The following MED13 variants were observed in gnomAD, a reference collection of about 807,000 sequenced individuals.
MED13 encodes the protein mediator of RNA polymerase II transcription subunit 13.
Under a neutral mutation model 225.2 loss-of-function variants are expected in MED13, and 23 were observed. That is an observed-to-expected ratio of 0.10 (90% CI 0.07 to 0.14). The LOEUF (loss-of-function observed/expected upper bound fraction) is 0.14, where lower values mean the gene tolerates loss of function less well. Ranked by LOEUF, MED13 falls within the 10% of genes least tolerant of loss-of-function variation. The pLI, the probability that MED13 is intolerant of heterozygous loss-of-function variation, is 1.00. For synonymous variants in MED13, 942 were observed against 889.2 expected (o/e 1.06, Z -1.06); for missense variants, 2,197 against 2,594.5 (o/e 0.85, Z 3.33).
At chr17:62,008,016 C>CAAAAAAAAAAAAAAAAAAAAAAAA (rs60236710) in intron 9 of MED13, among the ~76,000 whole-genome samples, 4 of 50,508 alleles carry the variant, frequency 7.9e-5, no homozygotes, top group African/African-American at 2.7e-4. Context: ...GAGACTGTCT[C>CAAAAAAAAAAAAAAAAAAAAAAAA]AAAAAAAAAA....
chr17:62,050,026 G>A (rs996964260), intron 3 of MED13, among the ~76,000 whole-genome samples: 2 of 150,306 alleles, frequency 1.3e-5, no homozygotes, highest in African/African-American at 4.9e-5. Flanking sequence ...AACAAATATT[G>A]TTTTTACCAA....
chr17:62,024,770 G>A (rs577953450), intron 8 of MED13, among the ~76,000 whole-genome samples: 80 of 152,244 alleles, frequency 5.3e-4, no homozygotes, highest in African/African-American at 1.8e-3. Flanking sequence ...CCACTTATAA[G>A]TGAGAACAGG....
chr17:62,049,122 CAAG>C (rs1555644635), intron 3 of MED13, among the ~76,000 whole-genome samples: 2 of 107,714 alleles, frequency 1.9e-5, no homozygotes, highest in South Asian at 3.2e-4. Flanking sequence ...AGGGATCCAA[CAAG>C]AAGGGAAAAG....
At position 61,968,236 on chromosome 17, in the gene MED13, T is replaced by C. The variant is rs1178461027; in HGVS notation, c.3990A>G (p.Pro1330=). The C allele has an allele frequency of 2.5e-6, 4 of 1,613,866 alleles. No individual in the cohort carries two copies. Among genetic ancestry groups the C allele is most frequent in the Non-Finnish European group, 3.4e-6 (4 of 1,179,802 alleles). ...GSYGTDESPE[P]LPIPTFLLGY... The stretch of plus-strand genomic sequence containing the variant: ...CCAACAAAAATGTGGGGATTGGCAG[T>C]GGTTCTGGGGATTCATCAGTTCCTA... The change falls in exon 18 of 30, where the codon CCA becomes CCG. Residue 1330 remains proline (P), a synonymous_variant. Transcript: ENST00000397786.
intron 8 of MED13, among the ~76,000 whole-genome samples, chr17:62,016,603 TA>T (rs2080584105): frequency 6.6e-6 from 1 of 152,244 alleles, no homozygotes; most frequent in Non-Finnish European, 1.5e-5. Context: ...GCTATAGATG[TA>T]AAATACCAAT....
chr17:62,021,968 A>C (rs1448341505), intron 8 of MED13, among the ~76,000 whole-genome samples: 1 of 152,026 alleles, frequency 6.6e-6, no homozygotes, highest in African/African-American at 2.4e-5. Context: ...GGAGTTTGAG[A>C]CCAGCCTGAC....
intron 21 of MED13, 91 bp from the exon 22 acceptor site, chr17:61,961,870 G>T: frequency 1.7e-6 from 2 of 1,187,872 alleles, no homozygotes; most frequent in South Asian, 1.4e-5. Context: ...CTTTTTACTA[G>T]AAAATTTACA....
intron 8 of MED13, among the ~76,000 whole-genome samples, chr17:62,027,727 A>AT (rs1366493660): frequency 1.7e-4 from 26 of 152,274 alleles, no homozygotes; most frequent in African/African-American, 6.0e-4. Flanking sequence ...AAATTTATAT[A>AT]TAAAAAAAAT....
At chr17:61,946,781 G>T in intron 29 of MED13, 136 bp downstream of exon 29, 1 of 1,075,656 alleles carries the variant, frequency 9.3e-7, no homozygotes, top group Non-Finnish European at 1.4e-6. Context: ...ACTCAAGTTA[G>T]AATAGCAGTG....
intron 8 of MED13, among the ~76,000 whole-genome samples, chr17:62,021,889 G>A (rs1253962768): frequency 2.6e-5 from 4 of 152,012 alleles, no homozygotes; most frequent in African/African-American, 9.7e-5. Flanking sequence ...TCTAAAGCCT[G>A]GGCACAGTGG....
chr17:62,018,826 A>C (rs1327761871), intron 8 of MED13, among the ~76,000 whole-genome samples: 1 of 152,210 alleles, frequency 6.6e-6, no homozygotes, highest in Admixed American at 6.5e-5. Flanking sequence ...TGAGGGTTCT[A>C]GAATATCGAT....
intron 1 of MED13, among the ~76,000 whole-genome samples, chr17:62,063,979 G>A (rs1162412313): frequency 3.3e-5 from 5 of 152,144 alleles, no homozygotes; most frequent in Admixed American, 1.3e-4. Context: ...CTGTAGACGA[G>A]GATAGAGTAT....
intron 9 of MED13, 51 bp downstream of exon 9, chr17:62,010,499 C>T (rs377606209): frequency 5.0e-6 from 6 of 1,210,874 alleles, no homozygotes; most frequent in African/African-American, 3.1e-5. Context: ...TAAGAACTTG[C>T]ATCACTTCCA....
At chr17:62,057,697 T>G (rs1245448064) in intron 2 of MED13, among the ~76,000 whole-genome samples, 1 of 152,222 alleles carries the variant, frequency 6.6e-6, no homozygotes, top group Non-Finnish European at 1.5e-5. Flanking sequence ...AGAACAATAG[T>G]CCACTTAGTT....
intron 3 of MED13, among the ~76,000 whole-genome samples, chr17:62,042,936 G>C (rs1042806992): frequency 1.3e-5 from 2 of 151,890 alleles, no homozygotes; most frequent in African/African-American, 4.8e-5. Context: ...GATCACTTGA[G>C]GCTAGGAGTT....
intron 3 of MED13, among the ~76,000 whole-genome samples, chr17:62,038,331 G>C (rs925750573): frequency 6.6e-6 from 1 of 152,098 alleles, no homozygotes; most frequent in African/African-American, 2.4e-5. Context: ...GAGCCTGAGA[G>C]GTTGAGGGTG....
chr17:62,005,837 T>C (rs1341362293), intron 9 of MED13: 2 of 152,150 alleles, frequency 1.3e-5, no homozygotes, highest in African/African-American at 2.4e-5. Context: ...CCCATTTCCA[T>C]CCTAGGCTGG....
chr17:62,049,787 G>A (rs534264492), intron 3 of MED13, among the ~76,000 whole-genome samples: 51 of 151,962 alleles, frequency 3.4e-4, no homozygotes, highest in African/African-American at 1.2e-3. Context: ...AAAATTAGCT[G>A]GGCGTGGTGG....
rs2079934043 is a variant in MED13 at position 61,955,409 on chromosome 17, A to G, written c.5941T>C (p.Leu1981=). The G allele has an allele frequency of 6.4e-7, 1 of 1,560,082 alleles. No homozygotes were observed. Among genetic ancestry groups the G allele is most frequent in the South Asian group, 1.2e-5 (1 of 81,638 alleles). ...VASATYTTEN[L]DLAFNPNNDG... ...TTGTTGGGATTGAAAGCTAAATCCA[A>G]ATTTTCAGTGGTATAAGTAGCTGAA... Residue 1981 remains leucine, a synonymous_variant, in exon 26 of 30, where the codon TTG becomes CTG. Transcript: ENST00000397786.
Sources: gnomAD v4.1 joint callset for allele counts (sites outside exome capture counted in the v4.1 genomes callset) on GRCh38, gnomAD v4.1.1 for gene constraint, MANE v1.5 for transcripts, NCBI Gene and HGNC (gene_info 2026-07-23, HGNC 2026-07-21) for gene names.